The following CACNA2D3 variants were observed in gnomAD, a reference collection of about 807,000 sequenced individuals.
CACNA2D3 encodes the protein calcium voltage-gated channel auxiliary subunit alpha2delta 3, also known as voltage-dependent calcium channel subunit alpha-2/delta-3.
CACNA2D3 carries 60 observed loss-of-function variants against 160.6 expected under a neutral mutation model. The ratio of observed to expected loss-of-function variants is 0.37; its 90% CI spans 0.30 to 0.46. CACNA2D3 has a LOEUF of 0.46. Ranked by LOEUF, CACNA2D3 falls within the 20% of genes least tolerant of loss-of-function variation. CACNA2D3 has a pLI of 1.00. For synonymous variants in CACNA2D3, 558 were observed against 492.9 expected, an observed-to-expected ratio of 1.13 and a Z score of -1.75; for missense variants, 1,205 against 1,365.0, an observed-to-expected ratio of 0.88 and a Z score of 1.85.
intron 2 of CACNA2D3, among the ~76,000 whole-genome samples, chr3:54,193,417 G>C (rs1350915737): frequency 2.0e-5 from 3 of 152,164 alleles, no homozygotes; most frequent in African/African-American, 7.2e-5. Flanking sequence ...GAATTAGCTA[G>C]AGCTTCTCCT....
At chr3:54,150,743 A>C (rs1224716999) in intron 2 of CACNA2D3, among the ~76,000 whole-genome samples, 2 of 152,240 alleles carry the variant, frequency 1.3e-5, no homozygotes, top group Non-Finnish European at 2.9e-5. Context: ...AATGATAATT[A>C]TAATTGAGCC....
At chr3:54,763,075 G>GAGAC (rs1239680396) in intron 12 of CACNA2D3, among the ~76,000 whole-genome samples, 1 of 130,182 alleles carries the variant, frequency 7.7e-6, no homozygotes, top group African/African-American at 2.9e-5. Flanking sequence ...GCGACAGAGT[G>GAGAC]AGACTCCATC....
At chr3:54,524,217 T>G (rs1701690281) in intron 5 of CACNA2D3, among the ~76,000 whole-genome samples, 1 of 152,166 alleles carries the variant, frequency 6.6e-6, no homozygotes, top group African/African-American at 2.4e-5. Flanking sequence ...TTCATTTATC[T>G]CAAAATATTT....
intron 2 of CACNA2D3, among the ~76,000 whole-genome samples, chr3:54,238,749 G>T (rs1234321321): frequency 6.6e-6 from 1 of 152,094 alleles, no homozygotes; most frequent in Non-Finnish European, 1.5e-5. Context: ...TAAACAGAAG[G>T]CAGTTATCTC....
chr3:54,937,764 T>G (rs1247133050), intron 27 of CACNA2D3, among the ~76,000 whole-genome samples: 1 of 151,550 alleles, frequency 6.6e-6, no homozygotes, highest in Non-Finnish European at 1.5e-5. Flanking sequence ...GCATGGCATG[T>G]GTTACGCTGA....
intron 13 of CACNA2D3, among the ~76,000 whole-genome samples, chr3:54,805,504 A>T (rs1310640856): frequency 2.0e-5 from 3 of 152,210 alleles, no homozygotes; most frequent in Admixed American, 1.3e-4. Flanking sequence ...TAAACCAGGA[A>T]GAAGTTGAAT....
At chr3:54,184,279 T>C (rs1700838914) in intron 2 of CACNA2D3, among the ~76,000 whole-genome samples, 1 of 152,232 alleles carries the variant, frequency 6.6e-6, no homozygotes, top group Admixed American at 6.5e-5. Flanking sequence ...TGGTCATTGC[T>C]GCAGCCCCAG....
At chr3:55,069,482 T>C (rs930100132) in intron 35 of CACNA2D3, among the ~76,000 whole-genome samples, 2 of 152,120 alleles carry the variant, frequency 1.3e-5, no homozygotes, top group Admixed American at 6.5e-5. Flanking sequence ...TCTTGGGCCT[T>C]TTATACTGAT....
At chr3:54,707,845 G>A (rs1487665418) in intron 11 of CACNA2D3, among the ~76,000 whole-genome samples, 1 of 152,178 alleles carries the variant, frequency 6.6e-6, no homozygotes, top group African/African-American at 2.4e-5. Flanking sequence ...AAAGTAAGTG[G>A]CACATTGAGT....
chr3:54,926,315 G>A (rs1701016015), intron 27 of CACNA2D3, among the ~76,000 whole-genome samples: 1 of 152,090 alleles, frequency 6.6e-6, no homozygotes, highest in Non-Finnish European at 1.5e-5. Flanking sequence ...TGAAAGATGA[G>A]GAAGCTAGGC....
At chr3:54,582,602 A>G (rs1021780555) in intron 9 of CACNA2D3, among the ~76,000 whole-genome samples, 11 of 152,214 alleles carry the variant, frequency 7.2e-5, no homozygotes, top group Admixed American at 3.3e-4. Context: ...GGCTGCAGCC[A>G]TGTCACAGCT....
At chr3:54,794,567 A>G (rs965359454) in intron 13 of CACNA2D3, among the ~76,000 whole-genome samples, 47 of 149,484 alleles carry the variant, frequency 3.1e-4, no homozygotes, top group African/African-American at 1.1e-3. Context: ...AATTTTTCCT[A>G]TAGTTCACCT....
At position 54,341,531 on chromosome 3, in the gene CACNA2D3, C is replaced by T. The variant is rs187253662; in HGVS notation, c.321+20973C>T. Among the ~76,000 whole-genome samples, 7 of 152,332 alleles carry T rather than the reference C, an allele frequency of 4.6e-5. No homozygotes were observed. In the East Asian group the frequency reaches 1.3e-3, roughly 29 times the overall value. On this transcript the variant is annotated intron_variant, in intron 3 of 37. Coordinates refer to ENST00000474759, the MANE Select transcript of CACNA2D3 (RefSeq NM_018398.3). ...GGTCAGGAAGGTTGGTTCACCCTGG[C>T]ATCTGGTGTACATAGGATGGCATCA... is the stretch of plus-strand genomic sequence containing the variant.
At chr3:54,642,615 T>C (rs2359861) in intron 11 of CACNA2D3, among the ~76,000 whole-genome samples, 25,527 of 152,136 alleles carry the variant, frequency 0.17, 2,383 homozygotes, top group East Asian at 0.28. Context: ...TGCAGGCCTC[T>C]CCTTTACATA....
chr3:54,160,803 G>A (rs1251120459), intron 2 of CACNA2D3, among the ~76,000 whole-genome samples: 3 of 152,102 alleles, frequency 2.0e-5, no homozygotes, highest in Non-Finnish European at 4.4e-5. Context: ...TAACCAATTT[G>A]TAATGTGTCC....
intron 1 of CACNA2D3, 89 bp from the exon 2 acceptor site, chr3:54,123,424 G>A (rs1699517670): frequency 2.3e-6 from 2 of 888,596 alleles, no homozygotes; most frequent in Non-Finnish European, 3.9e-6. Context: ...TGCTCCTTCA[G>A]CCATAGTCCC....
At chr3:54,419,153 A>G (rs568594071) in intron 4 of CACNA2D3, among the ~76,000 whole-genome samples, 2 of 152,334 alleles carry the variant, frequency 1.3e-5, no homozygotes, top group South Asian at 4.1e-4. Flanking sequence ...CCGCAGTAGG[A>G]AGGCTGTTCA....
intron 9 of CACNA2D3, among the ~76,000 whole-genome samples, chr3:54,590,714 T>G (rs1702842434): frequency 6.6e-6 from 1 of 152,100 alleles, no homozygotes; most frequent in Non-Finnish European, 1.5e-5. Flanking sequence ...CCCAAAATGC[T>G]GGGATTACAG....
intron 9 of CACNA2D3, among the ~76,000 whole-genome samples, chr3:54,583,426 C>A (rs1702710985): frequency 6.6e-6 from 1 of 152,168 alleles, no homozygotes; most frequent in African/African-American, 2.4e-5. Flanking sequence ...TCTTATTCTG[C>A]CAATATGGAG....
Sources: gnomAD v4.1 joint callset for allele counts (sites outside exome capture counted in the v4.1 genomes callset) on GRCh38, gnomAD v4.1.1 for gene constraint, MANE v1.5 for transcripts, NCBI Gene and HGNC (gene_info 2026-07-23, HGNC 2026-07-21) for gene names.